CLSTN2: variants seen among roughly 807,000 people sequenced by gnomAD.
The protein encoded by CLSTN2 is calsyntenin 2.
In CLSTN2, 48 loss-of-function variants were observed where a neutral mutation model predicts 101.2. The ratio of observed to expected loss-of-function variants is 0.47; its 90% CI spans 0.38 to 0.60. CLSTN2 has a LOEUF of 0.60. CLSTN2 is among the 20% of genes least tolerant of loss of function. The pLI, the probability that CLSTN2 is intolerant of heterozygous loss-of-function variation, is 0.00. For missense variants in CLSTN2, 1,160 were observed against 1,238.2 expected, an observed-to-expected ratio of 0.94 and a Z score of 0.95; for synonymous variants, 481 against 463.6, an observed-to-expected ratio of 1.04 and a Z score of -0.48.
intron 2 of CLSTN2, among the ~76,000 whole-genome samples, chr3:140,254,664 A>G (rs543996794): frequency 1.3e-5 from 2 of 152,324 alleles, no homozygotes; most frequent in East Asian, 1.9e-4. Flanking sequence ...CTTCTACCAT[A>G]TATAAAAATC....
At chr3:139,979,047 T>A (rs1409683619) in intron 1 of CLSTN2, among the ~76,000 whole-genome samples, 1 of 152,124 alleles carries the variant, frequency 6.6e-6, no homozygotes, top group African/African-American at 2.4e-5. Flanking sequence ...ACCCAGGGGA[T>A]CCCCTTGTAC....
intron 1 of CLSTN2, among the ~76,000 whole-genome samples, chr3:140,065,389 C>G (rs2107774589): frequency 6.6e-6 from 1 of 152,296 alleles, no homozygotes; most frequent in African/African-American, 2.4e-5. Flanking sequence ...GTTTGACTGT[C>G]AATGGGAAAG....
chr3:140,382,920 C>T lies in CLSTN2; in HGVS notation c.233-20709C>T, dbSNP rs370010114. On this transcript the variant is annotated intron_variant, in intron 2 of 16. Transcript: ENST00000458420. ...CTCACCTCTTAATACCATCACACTG[C>T]GGATTAGGTTTAAACATATGAATTG... Among the ~76,000 whole-genome samples the T allele has an allele frequency of 1.4e-4, 16 of 116,818 alleles. No homozygotes were observed. The South Asian group carries it at 2.4e-3, about 17-fold the overall frequency. The allele number at this position is 116,818 out of a possible 152,430, so 76.6% of individuals were successfully genotyped here. A position where few individuals can be genotyped will look rare whatever the true frequency, so the allele number is the denominator to read the frequency against.
intron 8 of CLSTN2, among the ~76,000 whole-genome samples, chr3:140,519,054 A>T (rs1282441452): frequency 6.6e-6 from 1 of 152,176 alleles, no homozygotes; most frequent in Non-Finnish European, 1.5e-5. Context: ...TTTCAAAAAA[A>T]CTTCTTGATT....
intron 2 of CLSTN2, among the ~76,000 whole-genome samples, chr3:140,342,299 T>C (rs1173092984): frequency 6.6e-6 from 1 of 152,134 alleles, no homozygotes; most frequent in East Asian, 1.9e-4. Flanking sequence ...CTCCCTTAAG[T>C]TGTGACACTG....
At chr3:140,117,532 C>T (rs1269883434) in intron 1 of CLSTN2, among the ~76,000 whole-genome samples, 1 of 152,152 alleles carries the variant, frequency 6.6e-6, no homozygotes, top group Non-Finnish European at 1.5e-5. Context: ...TGCTAGCCCT[C>T]ATGGAAGGGA....
chr3:140,412,171 A>G (rs2088372032), intron 4 of CLSTN2, among the ~76,000 whole-genome samples: 1 of 152,102 alleles, frequency 6.6e-6, no homozygotes, highest in Non-Finnish European at 1.5e-5. Context: ...ATGCGCCACA[A>G]CACCTGATTA....
At chr3:140,413,225 C>T (rs2088385937) in intron 4 of CLSTN2, among the ~76,000 whole-genome samples, 1 of 152,012 alleles carries the variant, frequency 6.6e-6, no homozygotes, top group South Asian at 2.1e-4. Context: ...ACTGATACCA[C>T]TGAAATAATT....
intron 1 of CLSTN2, among the ~76,000 whole-genome samples, chr3:140,051,437 G>T (rs780901645): frequency 1.3e-5 from 2 of 152,162 alleles, no homozygotes; most frequent in Non-Finnish European, 2.9e-5. Context: ...CATGGTCGCT[G>T]CACATCTTCC....
At chr3:140,427,227 GTGTA>G (rs1278000612) in intron 5 of CLSTN2, among the ~76,000 whole-genome samples, 2 of 68,412 alleles carry the variant, frequency 2.9e-5, no homozygotes, top group African/African-American at 1.6e-4. Flanking sequence ...ATATATATGT[GTGTA>G]TATATATATA....
At chr3:140,429,770 G>A (rs559099876) in intron 5 of CLSTN2, among the ~76,000 whole-genome samples, 21 of 152,292 alleles carry the variant, frequency 1.4e-4, no homozygotes, top group African/African-American at 3.4e-4. Context: ...TAAAAGTCAT[G>A]TATTTGTTTA....
At chr3:140,078,306 A>G (rs1308195262) in intron 1 of CLSTN2, among the ~76,000 whole-genome samples, 1 of 152,120 alleles carries the variant, frequency 6.6e-6, no homozygotes, top group African/African-American at 2.4e-5. Flanking sequence ...TGTTGATTGG[A>G]TTGGAAATTA....
At chr3:140,475,169 G>A (rs184410744) in intron 8 of CLSTN2, among the ~76,000 whole-genome samples, 28 of 128,862 alleles carry the variant, frequency 2.2e-4, no homozygotes, top group African/African-American at 5.1e-4. Flanking sequence ...AGTGAGAGAC[G>A]TCTGCTGTGT....
chr3:140,533,258 G>A (rs1209543239), intron 9 of CLSTN2, among the ~76,000 whole-genome samples: 1 of 152,196 alleles, frequency 6.6e-6, no homozygotes, highest in Non-Finnish European at 1.5e-5. Context: ...TGAAGTACCA[G>A]TAAGAGAGCA....
intron 2 of CLSTN2, among the ~76,000 whole-genome samples, chr3:140,335,322 GGTA>G (rs1248784953): frequency 6.6e-6 from 1 of 152,146 alleles, no homozygotes; most frequent in African/African-American, 2.4e-5. Context: ...ACTATATGGT[GGTA>G]GTAGTTAAAG....
At chr3:140,066,000 T>G (rs906005783) in intron 1 of CLSTN2, among the ~76,000 whole-genome samples, 15 of 152,196 alleles carry the variant, frequency 9.9e-5, no homozygotes, top group Admixed American at 9.2e-4. Flanking sequence ...TCACCACCAC[T>G]GATTGATGGG....
chr3:140,240,174 C>CTCTCTCTCTCTCTATATATATATA (rs1311225528), intron 2 of CLSTN2, among the ~76,000 whole-genome samples: 1 of 13,356 alleles, frequency 7.5e-5, no homozygotes. Context: ...CTCTCTCTCT[C>CTCTCTCTCTCTCTATATATATATA]TATATATATA....
chr3:140,421,288 A>C lies in CLSTN2; in HGVS notation c.787+14A>C. 1 of 1,613,964 alleles carries C rather than the reference A, an allele frequency of 6.2e-7. No individual in the cohort carries two copies. Among genetic ancestry groups the C allele is most frequent in the East Asian group, 2.2e-5 (1 of 44,878 alleles). ...CTGGCTGGCAAGGTGGGCCTGTTTT[A>C]TCAGTCTTGTGTGAAGGCAGCATGG... On this transcript the variant is annotated intron_variant, in intron 5 of 16. Transcript: ENST00000458420.
At chr3:140,020,984 G>A (rs186950238) in intron 1 of CLSTN2, among the ~76,000 whole-genome samples, 126 of 152,272 alleles carry the variant, frequency 8.3e-4, no homozygotes, top group Non-Finnish European at 1.3e-3. Flanking sequence ...TTAAAAACTT[G>A]TGTGCTCCCT....
Sources: gnomAD v4.1 joint callset for allele counts (sites outside exome capture counted in the v4.1 genomes callset) on GRCh38, gnomAD v4.1.1 for gene constraint, MANE v1.5 for transcripts, NCBI Gene and HGNC (gene_info 2026-07-23, HGNC 2026-07-21) for gene names.